CTNNA3: variants seen among roughly 807,000 people sequenced by gnomAD.
CTNNA3 encodes catenin alpha 3.
CTNNA3 carries 76 observed loss-of-function variants against 95.7 expected under a neutral mutation model. The observed-to-expected ratio is 0.79, with a 90% CI of 0.66 to 0.96. CTNNA3 has a LOEUF of 0.96. CTNNA3 is among the 40% of genes least tolerant of loss of function. The pLI, the probability that CTNNA3 is intolerant of heterozygous loss-of-function variation, is 0.00. For synonymous variants in CTNNA3, 431 were observed against 374.4 expected, an observed-to-expected ratio of 1.15 and a Z score of -1.74; for missense variants, 1,191 against 1,089.8, an observed-to-expected ratio of 1.09 and a Z score of -1.31.
At chr10:66,559,675 C>A (rs1057484693) in intron 10 of CTNNA3, among the ~76,000 whole-genome samples, 1 of 151,934 alleles carries the variant, frequency 6.6e-6, no homozygotes, top group South Asian at 2.1e-4. Context: ...TATACATGCT[C>A]ATCTCTGGGT....
Position 66,446,631 on chromosome 10 carries a change from A to C in CTNNA3, c.1532-67279T>G, listed in dbSNP as rs1427836003. Among the ~76,000 whole-genome samples, 5 of 152,294 alleles carry C rather than the reference A, an allele frequency of 3.3e-5. No homozygotes were observed. The South Asian group carries it at 1.0e-3, about 32-fold the overall frequency. ...CTTTGACAAAATCCAAAAACCCTTC[A>C]TGCTAAAAACTCTCAATAAATTACG... On this transcript the variant is annotated intron_variant, in intron 11 of 17. Transcript: ENST00000433211.
intron 7 of CTNNA3, among the ~76,000 whole-genome samples, chr10:66,817,550 C>T (rs145940081): frequency 2.0e-5 from 3 of 151,860 alleles, no homozygotes; most frequent in African/African-American, 7.2e-5. Context: ...TACATGCCAA[C>T]AAATTAGGTA....
At chr10:66,513,190 T>C (rs190365398) in intron 11 of CTNNA3, among the ~76,000 whole-genome samples, 1 of 152,326 alleles carries the variant, frequency 6.6e-6, no homozygotes, top group African/African-American at 2.4e-5. Flanking sequence ...TAAACTTTTT[T>C]CATTTTTATT....
At chr10:67,404,508 A>G (rs1475024813) in intron 5 of CTNNA3, among the ~76,000 whole-genome samples, 1 of 152,118 alleles carries the variant, frequency 6.6e-6, no homozygotes, top group African/African-American at 2.4e-5. Flanking sequence ...AAAAATAGAG[A>G]AAAACAATGA....
In CTNNA3 at chr10:67,539,465, A is replaced by G. The variant is rs769206481; in HGVS notation, c.459+38T>C. 3.7e-6 allele frequency: 6 copies of G among 1,605,664 alleles called. No homozygotes were observed. The South Asian group carries it at 5.5e-5, about 15-fold the overall frequency. On this transcript the variant is annotated intron_variant, in intron 4 of 17. Coordinates refer to ENST00000433211, the MANE Select transcript of CTNNA3 (RefSeq NM_013266.4). ...GTTCAGAGAATGAAATTAGAAGTGA[A>G]GACAATGCCAAGGTAAACTAAGCCA...
chr10:66,263,606 T>G (rs1164559128), intron 13 of CTNNA3, among the ~76,000 whole-genome samples: 1 of 151,986 alleles, frequency 6.6e-6, no homozygotes, highest in Non-Finnish European at 1.5e-5. Context: ...CTCTAAACAC[T>G]GCACATTTTG....
chr10:67,736,451 A>ATTT (rs71468819), intron 1 of CTNNA3, among the ~76,000 whole-genome samples: 20 of 118,068 alleles, frequency 1.7e-4, no homozygotes, highest in Admixed American at 4.4e-4. Flanking sequence ...TTTTACCACA[A>ATTT]TTTTTTTTTT....
At chr10:67,406,947 G>A (rs1238277379) in intron 5 of CTNNA3, among the ~76,000 whole-genome samples, 1 of 152,022 alleles carries the variant, frequency 6.6e-6, no homozygotes, top group Non-Finnish European at 1.5e-5. Context: ...ACCAAAAAAA[G>A]CCCATAACCA....
intron 7 of CTNNA3, among the ~76,000 whole-genome samples, chr10:66,893,322 AAACT>A (rs1338709568): frequency 6.6e-6 from 1 of 152,086 alleles, no homozygotes; most frequent in Non-Finnish European, 1.5e-5. Flanking sequence ...ATAACTAAAT[AAACT>A]AACAAGTGAT....
At chr10:66,020,166 C>T (rs1463889247) in intron 15 of CTNNA3, among the ~76,000 whole-genome samples, 1 of 152,154 alleles carries the variant, frequency 6.6e-6, no homozygotes, top group Non-Finnish European at 1.5e-5. Context: ...ATTCCATTAT[C>T]ATTTTAAAGC....
At chr10:66,320,684 T>C (rs1243374780) in intron 12 of CTNNA3, among the ~76,000 whole-genome samples, 1 of 152,132 alleles carries the variant, frequency 6.6e-6, no homozygotes, top group Non-Finnish European at 1.5e-5. Flanking sequence ...ATTTTCCTTT[T>C]ATATATAATA....
intron 7 of CTNNA3, among the ~76,000 whole-genome samples, chr10:66,984,164 T>A (rs1326952036): frequency 6.6e-6 from 1 of 152,174 alleles, no homozygotes; most frequent in East Asian, 1.9e-4. Flanking sequence ...AAAAAAACAC[T>A]TTTTAAGTCA....
intron 9 of CTNNA3, among the ~76,000 whole-genome samples, chr10:66,687,716 T>TACACAC (rs1175215616): frequency 7.1e-6 from 1 of 141,340 alleles, no homozygotes; most frequent in East Asian, 2.2e-4. Context: ...TATATATATA[T>TACACAC]ATACACACAC....
intron 12 of CTNNA3, among the ~76,000 whole-genome samples, chr10:66,319,163 G>T (rs940917364): frequency 6.6e-6 from 1 of 151,890 alleles, no homozygotes; most frequent in Non-Finnish European, 1.5e-5. Context: ...ATAAAAATGG[G>T]AATAATTACT....
chr10:66,534,496 A>C (rs1002187852), intron 10 of CTNNA3, among the ~76,000 whole-genome samples: 4 of 67,562 alleles, frequency 5.9e-5, no homozygotes, highest in Non-Finnish European at 1.1e-4. Flanking sequence ...ATATATATAT[A>C]TATATGTATA....
chr10:67,443,572 C>G (rs1846617736), intron 5 of CTNNA3, among the ~76,000 whole-genome samples: 1 of 152,158 alleles, frequency 6.6e-6, no homozygotes, highest in South Asian at 2.1e-4. Flanking sequence ...TTTCATGCGT[C>G]TTTTGATTGC....
intron 11 of CTNNA3, among the ~76,000 whole-genome samples, chr10:66,443,854 C>T (rs1223373508): frequency 1.3e-5 from 2 of 152,164 alleles, no homozygotes; most frequent in African/African-American, 2.4e-5. Context: ...GAGAAGAAGG[C>T]TTCAGACGAT....
rs1316151232 is a variant in CTNNA3 at position 67,657,233 on chromosome 10, GGAA to G, written c.-5-9718_-5-9716del. 3.3e-5 allele frequency among the ~76,000 whole-genome samples: 5 copies of G among 152,304 alleles called. No homozygotes were observed. The East Asian group carries it at 7.7e-4, about 24-fold the overall frequency. ...GGTGGGAATGGCTGCAAGAGGAGCA[GGAA>G]GAAGAAGAGTCCAGCTGGGGACATG... On this transcript the variant is annotated intron_variant, in intron 1 of 17. Coordinates refer to ENST00000433211, the MANE Select transcript of CTNNA3 (RefSeq NM_013266.4).
chr10:66,396,271 A>G (rs947752321), intron 11 of CTNNA3, among the ~76,000 whole-genome samples: 2 of 152,064 alleles, frequency 1.3e-5, no homozygotes, highest in East Asian at 3.9e-4. Flanking sequence ...ATTGAACTGA[A>G]TAAACTATAC....
Sources: allele counts gnomAD v4.1 joint callset (sites outside exome capture counted in the v4.1 genomes callset), GRCh38; gene constraint gnomAD v4.1.1; transcripts MANE v1.5; gene names NCBI Gene and HGNC (gene_info 2026-07-23, HGNC 2026-07-21).